The following NOM1 variants were observed in gnomAD, a reference collection of about 807,000 sequenced individuals.
The protein encoded by NOM1 is nucleolar protein with MIF4G domain 1.
NOM1 carries 58 observed loss-of-function variants against 73.3 expected under a neutral mutation model. The ratio of observed to expected loss-of-function variants is 0.79; its 90% CI spans 0.64 to 0.99. The LOEUF is 0.99. NOM1 is among the 50% of genes least tolerant of loss of function. NOM1 has a pLI of 0.00. For synonymous variants in NOM1, 487 were observed against 446.8 expected, an observed-to-expected ratio of 1.09 and a Z score of -1.14; for missense variants, 1,226 against 1,131.9, an observed-to-expected ratio of 1.08 and a Z score of -1.19.
chr7:156,966,233 C>T (rs1487639236), intron 7 of NOM1, 37 bp from the exon 8 acceptor site: 17 of 1,609,246 alleles, frequency 1.1e-5, no homozygotes, highest in Non-Finnish European at 1.3e-5. Flanking sequence ...CTTTGGAAGT[C>T]GAGTGATGTT....
intron 1 of NOM1, among the ~76,000 whole-genome samples, 157 bp from the exon 2 acceptor site, chr7:156,952,317 T>G (rs558643841): frequency 4.6e-5 from 7 of 152,326 alleles, no homozygotes; most frequent in African/African-American, 1.7e-4. Context: ...ACCCATATAC[T>G]AAGCACTCAA....
Position 156,952,037 on chromosome 7 carries a change from T to C in NOM1, c.988-437T>C, listed in dbSNP as rs113419313. Among the ~76,000 whole-genome samples, 1,389 of 152,330 alleles carry C rather than the reference T, an allele frequency of 9.1e-3. 7 individuals carry two copies. Among genetic ancestry groups the C allele is most frequent in the Non-Finnish European group, 0.015 (1,051 of 68,032 alleles). ...GATTTTTATCATATAAACTTAGATA[T>C]TACTTTTAAACAAGTTTGAAATTGT... is the stretch of plus-strand genomic sequence containing the variant. On this transcript the variant is annotated intron_variant, in intron 1 of 10. Transcript: ENST00000275820.
Position 156,969,196 on chromosome 7 carries a change from G to A in NOM1, c.2408G>A (p.Arg803Lys), listed in dbSNP as rs1464986948. ...EVEDLSLIFTRVSDNPKLGVL... is the reference protein window; with the variant it reads ...EVEDLSLIFTKVSDNPKLGVL... ...GAAGACCTCAGTTTAATTTTCACAAGGTATGTGCCCCACCCTTTCCGACGA... is the reference window on the plus strand; with the variant it reads ...GAAGACCTCAGTTTAATTTTCACAAAGTATGTGCCCCACCCTTTCCGACGA... Residue 803 changes from arginine to lysine, a missense_variant and splice_region_variant, in exon 10 of 11, where the codon AGA becomes AAA. By Grantham distance (26) the Arg-to-Lys change is conservative. Transcript: ENST00000275820. 7.1e-7 allele frequency: 1 copy of A among 1,412,492 alleles called. No individual in the cohort carries two copies. Among genetic ancestry groups the A allele is most frequent in the Non-Finnish European group, 1.0e-6 (1 of 995,642 alleles). The allele number at this position is 1,412,492 out of a possible 1,614,324, so 87.5% of individuals were successfully genotyped here.
At chr7:156,967,150 T>G in intron 9 of NOM1, 58 bp downstream of exon 9, 1 of 1,568,912 alleles carries the variant, frequency 6.4e-7, no homozygotes, top group Non-Finnish European at 8.7e-7. Context: ...AATTGTTTAG[T>G]ACCTGGTAAA....
At position 156,970,745 on chromosome 7, in the gene NOM1, A is replaced by G. The variant is rs1805122995; in HGVS notation, c.*1042A>G. 1 of 152,228 alleles carries G rather than the reference A, an allele frequency of 6.6e-6. No homozygotes were observed. The highest frequency in any genetic ancestry group is 1.5e-5 in the Non-Finnish European group (1 of 68,044). The allele number at this position is 152,228 out of a possible 1,614,324, so 9.4% of individuals were successfully genotyped here. ...TACTGTTTTAAGTATTTAGGTTGCAATTAACTTTGGCAAAGTCAGTCGACA... is the reference window on the plus strand; with the variant it reads ...TACTGTTTTAAGTATTTAGGTTGCAGTTAACTTTGGCAAAGTCAGTCGACA... On this transcript the variant is annotated 3_prime_UTR_variant, in exon 11 of 11. Transcript: ENST00000275820.
chr7:156,966,870 A>T, intron 8 of NOM1, 91 bp from the exon 9 acceptor site: 2 of 1,336,800 alleles, frequency 1.5e-6, no homozygotes, highest in Non-Finnish European at 2.0e-6. Flanking sequence ...AAATAAGATA[A>T]TAAGAAAATA....
At chr7:156,968,206 C>T (rs1805049689) in intron 9 of NOM1, among the ~76,000 whole-genome samples, 1 of 152,236 alleles carries the variant, frequency 6.6e-6, no homozygotes. Context: ...CTCCGCTCCC[C>T]TGCCTTGCCT....
chr7:156,949,902 G>A lies in NOM1; in HGVS notation c.165G>A (p.Ala55=), dbSNP rs1167261056. The change falls in exon 1 of 11, where the codon GCG becomes GCA. Residue 55 remains alanine, a synonymous_variant. Coordinates refer to ENST00000275820, the MANE Select transcript of NOM1 (RefSeq NM_138400.2). ...TAGCGGTGGAGGAGTTCGTGCACGC[G>A]ACTTCGGAAGGCGAGGCTCCCGGGG... is the stretch of plus-strand genomic sequence containing the variant. The part of the protein sequence containing the change: ...LKLAVEEFVH[A]TSEGEAPGGC... 3 of 1,540,090 alleles carry A rather than the reference G, an allele frequency of 1.9e-6. No homozygotes were observed. The highest frequency in any genetic ancestry group is 1.7e-6 in the Non-Finnish European group (2 of 1,143,732).
intron 4 of NOM1, among the ~76,000 whole-genome samples, chr7:156,961,147 A>G (rs1354273962): frequency 6.6e-6 from 1 of 152,132 alleles, no homozygotes; most frequent in Non-Finnish European, 1.5e-5. Flanking sequence ...GGCTGTGAAG[A>G]GGACCTTCAG....
At position 156,969,158 on chromosome 7, in the gene NOM1, G is replaced by A; in HGVS notation, c.2370G>A (p.Met790Ile). ...FLRKVLSILL[M>I]ETEVEDLSLI... ...GAAAAGTATTAAGTATCCTATTAAT[G>A]GAAACAGAAGTTGAAGACCTCAGTT... Residue 790 changes from methionine to isoleucine, a missense_variant, in exon 10 of 11, where the codon ATG (methionine) becomes ATA (isoleucine). Coordinates refer to ENST00000275820, the MANE Select transcript of NOM1 (RefSeq NM_138400.2). 6.3e-7 allele frequency: 1 copy of A among 1,597,702 alleles called. No homozygotes were observed. Among genetic ancestry groups the A allele is most frequent in the Admixed American group, 1.7e-5 (1 of 59,968 alleles).
Position 156,969,638 on chromosome 7 carries a change from G to T in NOM1, c.2518G>T (p.Val840Leu), listed in dbSNP as rs559090008. 8 of 1,613,900 alleles carry T rather than the reference G, an allele frequency of 5.0e-6. No individual in the cohort carries two copies. Among genetic ancestry groups the T allele is most frequent in the Non-Finnish European group, 6.8e-6 (8 of 1,179,926 alleles). ...CCACAGAAGCGCCGACGAAGCCAAC[G>T]TGCTGAGAGAGAAAGCTGACCTTGC... ...QAHRSADEAN[V>L]LREKADLATK... The change falls in exon 11 of 11, where the codon GTG (valine) becomes TTG (leucine). Residue 840 changes from valine to leucine, a missense_variant. Transcript: ENST00000275820.
At chr7:156,965,347 A>G (rs969028282) in intron 7 of NOM1, among the ~76,000 whole-genome samples, 11 of 152,238 alleles carry the variant, frequency 7.2e-5, no homozygotes, top group African/African-American at 2.7e-4. Context: ...CAAACTCCCA[A>G]GGCCCCAAGA....
rs1424962338 is a variant in NOM1, at chr7:156,971,372, GC to G, written c.*1670del. On this transcript the variant is annotated 3_prime_UTR_variant, in exon 11 of 11. Transcript: ENST00000275820. Reference sequence around the variant, plus strand: ...TCCTGGGCAAAACGCCCCATTTGTGGCACTTTCAGATACTATTTATTTACTT... The same window carrying G: ...TCCTGGGCAAAACGCCCCATTTGTGGACTTTCAGATACTATTTATTTACTT... The G allele has an allele frequency of 3.9e-5, 6 of 152,228 alleles. No homozygotes were observed. Among genetic ancestry groups the G allele is most frequent in the African/African-American group, 1.4e-4 (6 of 41,440 alleles). The allele number at this position is 152,228 out of a possible 1,614,324, so 9.4% of individuals were successfully genotyped here.
chr7:156,967,021 A>T lies in NOM1; in HGVS notation c.2227A>T (p.Asn743Tyr). 1 of 1,613,772 alleles carries T rather than the reference A, an allele frequency of 6.2e-7. No homozygotes were observed. The highest frequency in any genetic ancestry group is 1.1e-5 in the South Asian group (1 of 91,010). ...FRDLENLPAT[N>Y]FSNLVHLVAH... ...GGACTTGGAAAACTTGCCAGCTACG[A>T]ATTTCTCTAATTTGGTTCATCTGGT... Residue 743 changes from asparagine to tyrosine, a missense_variant, in exon 9 of 11, where the codon AAT becomes TAT. Asn to Tyr is a moderately radical substitution (Grantham distance 143). Coordinates refer to ENST00000275820, the MANE Select transcript of NOM1 (RefSeq NM_138400.2).
intron 1 of NOM1, 130 bp downstream of exon 1, chr7:156,950,854 G>C: frequency 1.3e-6 from 1 of 776,020 alleles, no homozygotes; most frequent in South Asian, 1.9e-5. Flanking sequence ...TGAGTAAATC[G>C]AGTACGTTAC....
Position 156,972,869 on chromosome 7 carries a change from T to C in NOM1, c.*3166T>C. 1 of 152,242 alleles carries C rather than the reference T, an allele frequency of 6.6e-6. No individual in the cohort carries two copies. The highest frequency in any genetic ancestry group is 2.4e-5 in the African/African-American group (1 of 41,460). The allele number at this position is 152,242 out of a possible 1,614,324, so 9.4% of individuals were successfully genotyped here. On this transcript the variant is annotated 3_prime_UTR_variant, in exon 11 of 11. Coordinates refer to ENST00000275820, the MANE Select transcript of NOM1 (RefSeq NM_138400.2). ...CCAACATATATGGGCTGTTAGATAG[T>C]AATTGTAATTTCGTATAAATAGTAA...
In NOM1 at chr7:156,969,149, C is replaced by G. The variant is rs750865647; in HGVS notation, c.2361C>G (p.Ile787Met). 8.1e-6 allele frequency: 13 copies of G among 1,601,720 alleles called. No individual in the cohort carries two copies. The highest frequency in any genetic ancestry group is 1.1e-5 in the Non-Finnish European group (13 of 1,168,682). The change falls in exon 10 of 11, where the codon ATC becomes ATG. Residue 787 changes from isoleucine (I) to methionine (M), a missense_variant. Transcript: ENST00000275820. ...GTTTTTTACGAAAAGTATTAAGTAT[C>G]CTATTAATGGAAACAGAAGTTGAAG... ...RVRFLRKVLS[I>M]LLMETEVEDL...
Position 156,950,618 on chromosome 7 carries a change from A to C in NOM1, c.881A>C (p.Glu294Ala). Reference sequence around the variant, plus strand: ...GATACAGAAGAGGAACAGGGGGAAGAAAAGGAAAAGGGAGCGCAGGAGAAA... The same window carrying C: ...GATACAGAAGAGGAACAGGGGGAAGCAAAGGAAAAGGGAGCGCAGGAGAAA... ...DEDTEEEQGEEKEKGAQEKRR... is the reference protein window; with the variant it reads ...DEDTEEEQGEAKEKGAQEKRR... The change falls in exon 1 of 11, where the codon GAA (glutamate) becomes GCA (alanine). Residue 294 changes from glutamate (E) to alanine (A), a missense_variant. Physicochemically the swap from Glu to Ala is moderately radical, Grantham distance 107 (BLOSUM62 -1). Coordinates refer to ENST00000275820, the MANE Select transcript of NOM1 (RefSeq NM_138400.2). 1 of 1,564,372 alleles carries C rather than the reference A, an allele frequency of 6.4e-7. No individual in the cohort carries two copies. Among genetic ancestry groups the C allele is most frequent in the Non-Finnish European group, 8.7e-7 (1 of 1,153,904 alleles).
rs1236234949 is a variant in NOM1, at chr7:156,967,095, T to G, written c.2298+3T>G. The stretch of plus-strand genomic sequence containing the variant: ...CGCTTTCCCTTTCCATCTTAAAGGT[T>G]CGTGTAACGTGTGAAAATATTGAAA... On this transcript the variant is annotated splice_donor_region_variant and intron_variant, in intron 9 of 10. Coordinates refer to ENST00000275820, the MANE Select transcript of NOM1 (RefSeq NM_138400.2). The G allele has an allele frequency of 3.7e-6, 6 of 1,610,838 alleles. No individual in the cohort carries two copies. Among genetic ancestry groups the G allele is most frequent in the Non-Finnish European group, 5.1e-6 (6 of 1,179,082 alleles).
Sources: gnomAD v4.1 joint callset for allele counts (sites outside exome capture counted in the v4.1 genomes callset) on GRCh38, gnomAD v4.1.1 for gene constraint, MANE v1.5 for transcripts, NCBI Gene and HGNC (gene_info 2026-07-23, HGNC 2026-07-21) for gene names.